The following CLPX variants were observed in gnomAD, a reference collection of about 807,000 sequenced individuals.
CLPX encodes the protein caseinolytic mitochondrial matrix peptidase chaperone subunit X.
Under a neutral mutation model 76.4 loss-of-function variants are expected in CLPX, and 34 were observed. The observed-to-expected ratio is 0.45, with a 90% CI of 0.34 to 0.59. The LOEUF is 0.59. Among genes scored for constraint, CLPX ranks in the 20% least tolerant of loss-of-function variants. The pLI, the probability that CLPX is intolerant of heterozygous loss-of-function variation, is 0.01. For synonymous variants in CLPX, 248 were observed against 270.9 expected (o/e 0.92, Z 0.83); for missense variants, 613 against 757.0 (o/e 0.81, Z 2.23).
At chr15:65,178,634 C>T (rs559717584) in intron 3 of CLPX, among the ~76,000 whole-genome samples, 2 of 151,506 alleles carry the variant, frequency 1.3e-5, no homozygotes, top group East Asian at 3.9e-4. Flanking sequence ...ATGACCATGG[C>T]TCACTGCAGC....
At chr15:65,152,229 G>A (rs962145435) in intron 13 of CLPX, among the ~76,000 whole-genome samples, 4 of 151,898 alleles carry the variant, frequency 2.6e-5, no homozygotes. Context: ...CACCCGGCCT[G>A]ATGATCAACT....
chr15:65,154,005 T>C (rs919866896), intron 11 of CLPX, among the ~76,000 whole-genome samples: 1 of 152,192 alleles, frequency 6.6e-6, no homozygotes, highest in Non-Finnish European at 1.5e-5. Context: ...TGTATGTACA[T>C]GGAGCTAAGG....
chr15:65,152,384 C>G (rs548112140), intron 13 of CLPX, 46 bp downstream of exon 13: 9 of 790,866 alleles, frequency 1.1e-5, no homozygotes, highest in African/African-American at 1.8e-5. Context: ...CAATGAGGAG[C>G]TCATCTTAAA....
At chr15:65,165,852 T>A (rs1326290274) in intron 4 of CLPX, among the ~76,000 whole-genome samples, 1 of 152,214 alleles carries the variant, frequency 6.6e-6, no homozygotes, top group African/African-American at 2.4e-5. Context: ...ATTATACCAA[T>A]GACATTAAAT....
rs202128344 is a variant in CLPX, at chr15:65,185,033, C to G, written c.79+42G>C. ...CCAACCATTGGCCAGTCCACCCCCCCCCCGACAGGCTGAGGGCTCAGGAGT... is the reference window on the plus strand; with the variant it reads ...CCAACCATTGGCCAGTCCACCCCCCGCCCGACAGGCTGAGGGCTCAGGAGT... On this transcript the variant is annotated intron_variant, in intron 1 of 13. Transcript: ENST00000300107. The G allele has an allele frequency of 1.1e-3, 1,615 of 1,515,378 alleles. 13 individuals carry two copies. In the African/African-American group the frequency reaches 0.015, roughly 14 times the overall value. The allele number at this position is 1,515,378 out of a possible 1,614,324, so 93.9% of individuals were successfully genotyped here.
intron 6 of CLPX, 79 bp from the exon 7 acceptor site, chr15:65,158,830 A>G (rs2087820918): frequency 8.5e-7 from 1 of 1,171,224 alleles, no homozygotes; most frequent in African/African-American, 1.6e-5. Context: ...ACTTTTATCT[A>G]AAACTAAATA....
In CLPX at chr15:65,165,664, A is replaced by C. The variant is rs536844729; in HGVS notation, c.513+967T>G. Reference sequence around the variant, plus strand: ...CCTCCCAAAGTGCTGGGATTACAGGAGTGAACCAAACCACCGCACCCGGCC... The same window carrying C: ...CCTCCCAAAGTGCTGGGATTACAGGCGTGAACCAAACCACCGCACCCGGCC... On this transcript the variant is annotated intron_variant, in intron 4 of 13. Coordinates refer to ENST00000300107, the MANE Select transcript of CLPX (RefSeq NM_006660.5). Among the ~76,000 whole-genome samples the C allele has an allele frequency of 5.7e-3, 870 of 152,000 alleles. 5 individuals are homozygous for C. Among genetic ancestry groups the C allele is most frequent in the Middle Eastern group, 0.01 (3 of 292 alleles).
chr15:65,166,096 T>G (rs1480272347), intron 4 of CLPX, among the ~76,000 whole-genome samples: 2 of 152,200 alleles, frequency 1.3e-5, no homozygotes, highest in South Asian at 2.1e-4. Flanking sequence ...AATCATACTC[T>G]GCCTGAGACT....
chr15:65,158,397 A>G lies in CLPX; in HGVS notation c.892+178T>C, dbSNP rs560322414. On this transcript the variant is annotated intron_variant, in intron 7 of 13. Transcript: ENST00000300107. The stretch of plus-strand genomic sequence containing the variant: ...GTTAGGGATTGGCCTGAAGGGCAAC[A>G]CCAATGCCTCAAATCCAGTTTGTAT... 414 of 523,946 alleles carry G rather than the reference A, an allele frequency of 7.9e-4. 1 individual carries two copies. The highest frequency in any genetic ancestry group is 6.9e-3 in the African/African-American group (352 of 51,134). 32.5% of individuals were successfully genotyped at this position (523,946 alleles called of 1,614,324 possible). A position where few individuals can be genotyped will look rare whatever the true frequency, so the allele number is the denominator to read the frequency against.
intron 3 of CLPX, among the ~76,000 whole-genome samples, chr15:65,178,108 C>G (rs1391425265): frequency 4.6e-5 from 7 of 152,160 alleles, no homozygotes; most frequent in Admixed American, 2.6e-4. Flanking sequence ...TTTCTTCCTT[C>G]TCTGAGTGTC....
intron 3 of CLPX, among the ~76,000 whole-genome samples, chr15:65,178,576 C>G (rs1207070402): frequency 6.6e-6 from 1 of 151,306 alleles, no homozygotes; most frequent in Non-Finnish European, 1.5e-5. Context: ...ATATATATTT[C>G]TTTTTTTTGA....
At chr15:65,154,578 G>C in intron 11 of CLPX, 1 of 525,050 alleles carries the variant, frequency 1.9e-6, no homozygotes, top group South Asian at 2.8e-5. Context: ...CTATAATGAT[G>C]GTTTTAATTC....
In CLPX at chr15:65,185,037, G is replaced by A. The variant is rs773034089; in HGVS notation, c.79+38C>T. 37 of 1,205,646 alleles carry A rather than the reference G, an allele frequency of 3.1e-5. No individual in the cohort carries two copies. In the South Asian group the frequency reaches 4.6e-4, roughly 15 times the overall value. 74.7% of individuals were successfully genotyped at this position (1,205,646 alleles called of 1,614,324 possible). On this transcript the variant is annotated intron_variant, in intron 1 of 13. Transcript: ENST00000300107. ...CCATTGGCCAGTCCACCCCCCCCCC[G>A]ACAGGCTGAGGGCTCAGGAGTGGCA... is the stretch of plus-strand genomic sequence containing the variant.
At chr15:65,159,639 A>G (rs566606976) in intron 6 of CLPX, among the ~76,000 whole-genome samples, 12 of 152,138 alleles carry the variant, frequency 7.9e-5, no homozygotes, top group African/African-American at 2.9e-4. Flanking sequence ...AAAATAAAAC[A>G]AAACAAAATA....
In CLPX at chr15:65,185,238, T is replaced by A; in HGVS notation, c.-85A>T. 1 of 1,200,814 alleles carries A rather than the reference T, an allele frequency of 8.3e-7. No homozygotes were observed. Among genetic ancestry groups the A allele is most frequent in the Non-Finnish European group, 1.2e-6 (1 of 841,248 alleles). The allele number at this position is 1,200,814 out of a possible 1,614,324, so 74.4% of individuals were successfully genotyped here. A position where few individuals can be genotyped will look rare whatever the true frequency, so the allele number is the denominator to read the frequency against. On this transcript the variant is annotated 5_prime_UTR_variant, in exon 1 of 14. Transcript: ENST00000300107. ...AATCCTGCCCGCAAGGCGCGCTGACTCGGTTCCGAACCCTTTCGCGGGCCC... is the reference window on the plus strand; with the variant it reads ...AATCCTGCCCGCAAGGCGCGCTGACACGGTTCCGAACCCTTTCGCGGGCCC...
intron 1 of CLPX, among the ~76,000 whole-genome samples, chr15:65,183,661 T>C (rs1264429113): frequency 6.6e-6 from 1 of 152,088 alleles, no homozygotes; most frequent in Admixed American, 6.6e-5. Context: ...GATTCAAAAA[T>C]GTTCACGGAC....
At chr15:65,164,910 T>A (rs888341459) in intron 4 of CLPX, among the ~76,000 whole-genome samples, 4 of 151,998 alleles carry the variant, frequency 2.6e-5, no homozygotes, top group Non-Finnish European at 5.9e-5. Flanking sequence ...GCCACCAAGC[T>A]CAGCCCTAAA....
chr15:65,185,026 A>ACCC (rs573023416), intron 1 of CLPX, 49 bp downstream of exon 1: 60 of 1,197,620 alleles, frequency 5.0e-5, no homozygotes, highest in Admixed American at 9.6e-5. Flanking sequence ...TGGCCAGTCC[A>ACCC]CCCCCCCCCC....
At position 65,149,165 on chromosome 15, in the gene CLPX, T is replaced by C. The variant is rs1295977485; in HGVS notation, c.*1658A>G. The C allele has an allele frequency of 1.3e-5, 2 of 153,590 alleles. No individual in the cohort carries two copies. Among genetic ancestry groups the C allele is most frequent in the Non-Finnish European group, 2.9e-5 (2 of 68,830 alleles). The allele number at this position is 153,590 out of a possible 1,614,324, so 9.5% of individuals were successfully genotyped here. A position where few individuals can be genotyped will look rare whatever the true frequency, so the allele number is the denominator to read the frequency against. On this transcript the variant is annotated 3_prime_UTR_variant, in exon 14 of 14. Transcript: ENST00000300107. ...GGCTGTTACTATGACTGATACTGCA[T>C]GCTATTTCTAGAATTAGATATGTAT...
Sources: gnomAD v4.1 joint callset for allele counts (sites outside exome capture counted in the v4.1 genomes callset) on GRCh38, gnomAD v4.1.1 for gene constraint, MANE v1.5 for transcripts, NCBI Gene and HGNC (gene_info 2026-07-23, HGNC 2026-07-21) for gene names.